Variants in FCRL4 observed in about 807,000 individuals in gnomAD.
FCRL4 encodes Fc receptor like 4, also known as Fc receptor-like protein 4.
FCRL4 carries 43 observed loss-of-function variants against 64.1 expected under a neutral mutation model. The ratio of observed to expected loss-of-function variants is 0.67; its 90% CI spans 0.53 to 0.87. FCRL4 has a LOEUF of 0.87. FCRL4 is among the 40% of genes least tolerant of loss of function. FCRL4 has a pLI of 0.00. For missense variants in FCRL4, 656 were observed against 613.5 expected, an observed-to-expected ratio of 1.07 and a Z score of -0.73; for synonymous variants, 253 against 239.8, an observed-to-expected ratio of 1.05 and a Z score of -0.51.
At position 157,580,305 on chromosome 1, in the gene FCRL4, G is replaced by C. The variant is rs1379334872; in HGVS notation, c.1277+16C>G. 2.5e-6 allele frequency: 4 copies of C among 1,613,900 alleles called. No homozygotes were observed. The highest frequency in any genetic ancestry group is 3.4e-6 in the Non-Finnish European group (4 of 1,179,916). ...CTCGGGAAACTAAAAAGGAATGGCAGAAACTGAGGTCTCACCTGGTTTCGT... is the reference window on the plus strand; with the variant it reads ...CTCGGGAAACTAAAAAGGAATGGCACAAACTGAGGTCTCACCTGGTTTCGT... On this transcript the variant is annotated intron_variant, in intron 8 of 11. Coordinates refer to ENST00000271532, the MANE Select transcript of FCRL4 (RefSeq NM_031282.3).
At chr1:157,583,375 C>T (rs752608527) in intron 6 of FCRL4, among the ~76,000 whole-genome samples, 1 of 152,136 alleles carries the variant, frequency 6.6e-6, no homozygotes, top group Admixed American at 6.5e-5. Flanking sequence ...ATCCTCAGTC[C>T]ATGCTATGGA....
At chr1:157,579,735 CATACATACATACAT>C (rs1173292774) in intron 8 of FCRL4, among the ~76,000 whole-genome samples, 2 of 135,632 alleles carry the variant, frequency 1.5e-5, no homozygotes, top group African/African-American at 7.1e-5. Context: ...TACATACATA[CATACATACATACAT>C]AAAATGTCTT....
intron 10 of FCRL4, among the ~76,000 whole-genome samples, chr1:157,578,087 C>T (rs1026260613): frequency 2.0e-5 from 3 of 151,922 alleles, no homozygotes; most frequent in African/African-American, 7.3e-5. Flanking sequence ...AATTAAAATG[C>T]CATGCATATA....
intron 6 of FCRL4, among the ~76,000 whole-genome samples, chr1:157,582,702 C>T (rs983908749): frequency 6.6e-6 from 1 of 152,182 alleles, no homozygotes; most frequent in Non-Finnish European, 1.5e-5. Context: ...TATTATCCTT[C>T]CCTCCTCAAC....
At chr1:157,588,475 CT>C (rs1180082346) in intron 3 of FCRL4, among the ~76,000 whole-genome samples, 3 of 152,176 alleles carry the variant, frequency 2.0e-5, no homozygotes, top group Admixed American at 6.5e-5. Flanking sequence ...AGAAGTGGCA[CT>C]TAGAGAACTA....
rs1652373422 is a variant in FCRL4 at position 157,575,244 on chromosome 1, G to T, written c.*280C>A. 2.2e-6 allele frequency: 1 copy of T among 451,230 alleles called. No individual in the cohort carries two copies. Among genetic ancestry groups the T allele is most frequent in the South Asian group, 2.8e-5 (1 of 35,804 alleles). 28.0% of individuals were successfully genotyped at this position (451,230 alleles called of 1,614,324 possible). A position where few individuals can be genotyped will look rare whatever the true frequency, so the allele number is the denominator to read the frequency against. ...CTCTTTATCCCCCTTCTCTAAAGCA[G>T]ACCCTAGGGAATACATTAGGTCAGG... On this transcript the variant is annotated 3_prime_UTR_variant, in exon 12 of 12. Coordinates refer to ENST00000271532, the MANE Select transcript of FCRL4 (RefSeq NM_031282.3).
At chr1:157,590,544 G>A (rs1339049755) in intron 2 of FCRL4, among the ~76,000 whole-genome samples, 1 of 141,666 alleles carries the variant, frequency 7.1e-6, no homozygotes, top group Non-Finnish European at 1.5e-5. Flanking sequence ...TTTAGACAGA[G>A]TCTCACTCTG....
Position 157,578,779 on chromosome 1 carries a change from A to C in FCRL4, c.1351T>G (p.Tyr451Asp). The C allele has an allele frequency of 6.2e-7, 1 of 1,613,928 alleles. No homozygotes were observed. Among genetic ancestry groups the C allele is most frequent in the Non-Finnish European group, 8.5e-7 (1 of 1,179,838 alleles). The change falls in exon 9 of 12, where the codon TAT (tyrosine) becomes GAT (aspartate). Residue 451 changes from tyrosine to aspartate, a missense_variant. By Grantham distance (160) the Tyr-to-Asp change is radical (BLOSUM62 -3). Coordinates refer to ENST00000271532, the MANE Select transcript of FCRL4 (RefSeq NM_031282.3). ...AGAAGGGAATCCTCACCATCAACAT[A>C]CAACGACTGAAGCTCCACCTGGGCA... ...CPAQVELQSL[Y>D]VDVHPKKGDL...
In FCRL4 at chr1:157,574,513, G is replaced by C. The variant is rs1368464504; in HGVS notation, c.*1011C>G. Reference sequence around the variant, plus strand: ...TCATGAAATATCCATACAAATTTGTGGCTTCCTATTTCTTTTATTCCTTCT... The same window carrying C: ...TCATGAAATATCCATACAAATTTGTCGCTTCCTATTTCTTTTATTCCTTCT... On this transcript the variant is annotated 3_prime_UTR_variant, in exon 12 of 12. Coordinates refer to ENST00000271532, the MANE Select transcript of FCRL4 (RefSeq NM_031282.3). The C allele has an allele frequency of 4.8e-6, 1 of 208,872 alleles. No homozygotes were observed. 12.9% of individuals were successfully genotyped at this position (208,872 alleles called of 1,614,324 possible). A position where few individuals can be genotyped will look rare whatever the true frequency, so the allele number is the denominator to read the frequency against.
At chr1:157,591,433 A>C (rs1652837791) in intron 2 of FCRL4, among the ~76,000 whole-genome samples, 1 of 152,196 alleles carries the variant, frequency 6.6e-6, no homozygotes, top group Admixed American at 6.5e-5. Context: ...TAGCATGAGC[A>C]TGTGGTGGGA....
At chr1:157,596,224 G>A (rs926411677) in intron 2 of FCRL4, 104 bp downstream of exon 2, 3 of 1,308,646 alleles carry the variant, frequency 2.3e-6, no homozygotes, top group Non-Finnish European at 3.3e-6. Context: ...CAGCACTCAG[G>A]AAAAGGATGA....
rs977795257 is a variant in FCRL4, at chr1:157,586,407, T to A, written c.896A>T (p.Gln299Leu). The stretch of plus-strand genomic sequence containing the variant: ...GACCAGCATCTCCCCTTCAACAGCC[T>A]GGCCCCCTGAGGGCTGGGTCTCCAG... ...VLLETQPSGG[Q>L]AVEGEMLVLV... is the part of the protein sequence containing the mutation. Residue 299 changes from glutamine (Q) to leucine (L), a missense_variant, in exon 6 of 12, where the codon CAG becomes CTG. Coordinates refer to ENST00000271532, the MANE Select transcript of FCRL4 (RefSeq NM_031282.3). 2.5e-6 allele frequency: 4 copies of A among 1,612,726 alleles called. No individual in the cohort carries two copies. In the East Asian group the frequency reaches 8.9e-5, roughly 36 times the overall value.
At chr1:157,593,638 C>T (rs1392956781) in intron 2 of FCRL4, among the ~76,000 whole-genome samples, 1 of 152,106 alleles carries the variant, frequency 6.6e-6, no homozygotes, top group Non-Finnish European at 1.5e-5. Context: ...AGTGGGTTGT[C>T]TGTGATGCTC....
intron 2 of FCRL4, 55 bp from the exon 3 acceptor site, chr1:157,589,513 A>C: frequency 1.3e-6 from 2 of 1,592,116 alleles, no homozygotes; most frequent in South Asian, 1.1e-5. Flanking sequence ...TCCCAGCTGC[A>C]GTGGCTTGTG....
chr1:157,586,648 A>C (rs1558155767), intron 5 of FCRL4, among the ~76,000 whole-genome samples, 193 bp from the exon 6 acceptor site: 2 of 152,194 alleles, frequency 1.3e-5, no homozygotes, highest in Non-Finnish European at 2.9e-5. Context: ...CCATCCTGAT[A>C]TACGAGGCCC....
intron 2 of FCRL4, among the ~76,000 whole-genome samples, chr1:157,592,961 T>C (rs1652871225): frequency 1.3e-5 from 2 of 152,246 alleles, no homozygotes; most frequent in South Asian, 4.2e-4. Flanking sequence ...CTGGAAACCA[T>C]CATTCTCGGC....
Position 157,578,818 on chromosome 1 carries a change from G to A in FCRL4, c.1312C>T (p.His438Tyr). Residue 438 changes from histidine to tyrosine, a missense_variant, in exon 9 of 12, where the codon CAT becomes TAT. Physicochemically the swap from His to Tyr is moderately conservative, Grantham distance 83. Transcript: ENST00000271532. ...TCCACCTGGGCAGGGCAGATGGAAT[G>A]GGAGGACTCTCCTGGGCCTGGAGCG... ...PPAPGPGESS[H>Y]SICPAQVELQ... The A allele has an allele frequency of 6.2e-7, 1 of 1,613,800 alleles. No individual in the cohort carries two copies. The highest frequency in any genetic ancestry group is 8.5e-7 in the Non-Finnish European group (1 of 1,179,866).
chr1:157,593,339 T>A (rs997850821), intron 2 of FCRL4, among the ~76,000 whole-genome samples: 2 of 152,180 alleles, frequency 1.3e-5, no homozygotes, highest in South Asian at 2.1e-4. Flanking sequence ...TCCGTCTCTC[T>A]CAGTTCCTGT....
intron 10 of FCRL4, among the ~76,000 whole-genome samples, chr1:157,577,288 G>C (rs963323681): frequency 3.3e-5 from 5 of 152,116 alleles, no homozygotes; most frequent in African/African-American, 1.2e-4. Flanking sequence ...GGGATATAGA[G>C]CTCCCACCTC....
Sources: gnomAD v4.1 joint callset for allele counts (sites outside exome capture counted in the v4.1 genomes callset) on GRCh38, gnomAD v4.1.1 for gene constraint, MANE v1.5 for transcripts, NCBI Gene and HGNC (gene_info 2026-07-23, HGNC 2026-07-21) for gene names.